CDH23: variants seen among roughly 807,000 people sequenced by gnomAD.
CDH23 encodes the protein cadherin-23.
In CDH23, 189 loss-of-function variants were observed where a neutral mutation model predicts 317.1. That is an observed-to-expected ratio of 0.60 (90% confidence interval 0.53 to 0.67). The LOEUF (loss-of-function observed/expected upper bound fraction) is 0.67, where lower values mean the gene tolerates loss of function less well. CDH23 is among the 30% of genes least tolerant of loss of function. The pLI is 0.00. For synonymous variants in CDH23, 1,839 were observed against 1,876.8 expected, an observed-to-expected ratio of 0.98 and a Z score of 0.52; for missense variants, 4,401 against 4,592.4, an observed-to-expected ratio of 0.96 and a Z score of 1.20.
At chr10:71,427,721 T>C (rs1849169787) in intron 1 of CDH23, among the ~76,000 whole-genome samples, 1 of 151,596 alleles carries the variant, frequency 6.6e-6, no homozygotes, top group African/African-American at 2.4e-5. Context: ...TACTTTTTTT[T>C]TTTTTTTTTT....
intron 1 of CDH23, among the ~76,000 whole-genome samples, chr10:71,433,368 G>A (rs1032982811): frequency 6.6e-5 from 10 of 152,166 alleles, no homozygotes; most frequent in African/African-American, 2.4e-4. Flanking sequence ...TGAGGTTCAG[G>A]AGGTGGAATT....
intron 11 of CDH23, among the ~76,000 whole-genome samples, chr10:71,621,783 C>T (rs1421311358): frequency 6.6e-6 from 1 of 152,234 alleles, no homozygotes; most frequent in African/African-American, 2.4e-5. Context: ...CACTGAGTCT[C>T]AGACTCTGCT....
chr10:71,803,494 C>T (rs933284545), intron 55 of CDH23, 74 bp downstream of exon 55: 3 of 1,357,792 alleles, frequency 2.2e-6, no homozygotes, highest in African/African-American at 2.9e-5. Flanking sequence ...AGTGGAAGCA[C>T]CCCACTCTAA....
intron 1 of CDH23, among the ~76,000 whole-genome samples, chr10:71,436,849 G>A (rs541886269): frequency 3.6e-4 from 55 of 152,314 alleles, no homozygotes; most frequent in African/African-American, 1.2e-3. Context: ...AGTTTTTTCT[G>A]TAGAAGATAC....
At chr10:71,759,787 G>A (rs1393978658) in intron 38 of CDH23, among the ~76,000 whole-genome samples, 1 of 149,984 alleles carries the variant, frequency 6.7e-6, no homozygotes, top group Non-Finnish European at 1.5e-5. Flanking sequence ...ACTCCAGCCT[G>A]GGTAACAGAG....
At position 71,536,992 on chromosome 10, in the gene CDH23, C is replaced by T. The variant is rs917126807; in HGVS notation, c.429+25780C>T. Among the ~76,000 whole-genome samples, 11 of 152,116 alleles carry T rather than the reference C, an allele frequency of 7.2e-5. 1 individual carries two copies. Among genetic ancestry groups the T allele is most frequent in the South Asian group, 4.2e-4 (2 of 4,814 alleles). ...GCAGAACCATTTGGATATTTGATTG[C>T]GAGGCTGCTCTGAAAGGCTCCATAT... On this transcript the variant is annotated intron_variant, in intron 6 of 69. Coordinates refer to ENST00000224721, the MANE Select transcript of CDH23 (RefSeq NM_022124.6).
chr10:71,729,128 C>A (rs75500163), intron 30 of CDH23, among the ~76,000 whole-genome samples: 2 of 152,182 alleles, frequency 1.3e-5, no homozygotes, highest in Non-Finnish European at 2.9e-5. Context: ...AGCCACCATG[C>A]CTGGCCTCCA....
intron 6 of CDH23, among the ~76,000 whole-genome samples, chr10:71,542,740 G>C (rs1370544084): frequency 1.3e-5 from 2 of 152,248 alleles, no homozygotes; most frequent in Admixed American, 1.3e-4. Flanking sequence ...GGGAGAGAAG[G>C]CTGGGAATGG....
intron 6 of CDH23, among the ~76,000 whole-genome samples, chr10:71,544,973 T>C (rs1475599112): frequency 6.6e-6 from 1 of 152,034 alleles, no homozygotes; most frequent in Non-Finnish European, 1.5e-5. Context: ...TGCCCTGGGG[T>C]AACCCTGGGG....
At chr10:71,725,611 G>A in intron 30 of CDH23, 91 bp downstream of exon 30, 3 of 1,418,118 alleles carry the variant, frequency 2.1e-6, no homozygotes, top group Non-Finnish European at 2.9e-6. Context: ...CGCCTGGTGT[G>A]GGCAGGGCCA....
intron 54 of CDH23, 30 bp downstream of exon 54, chr10:71,803,105 G>A: frequency 6.3e-7 from 1 of 1,581,116 alleles, no homozygotes; most frequent in Non-Finnish European, 8.7e-7. Context: ...CACCCATGAT[G>A]TCTTGGGGGG....
rs1417344462 is a variant in CDH23 at position 71,463,689 on chromosome 10, A to T, written c.145+17294A>T. On this transcript the variant is annotated intron_variant, in intron 3 of 69. Transcript: ENST00000224721. ...TGTTACCAAGCATCAGTGGGTGTGA[A>T]GTTCCCTGGGTGTCTGAGAGCCAGG... Among the ~76,000 whole-genome samples the T allele has an allele frequency of 2.0e-5, 3 of 152,220 alleles. 1 individual carries two copies. The highest frequency in any genetic ancestry group is 4.4e-5 in the Non-Finnish European group (3 of 68,044).
rs536438868 is a variant in CDH23 at position 71,709,170 on chromosome 10, G to A, written c.3179G>A (p.Arg1060Gln). The A allele has an allele frequency of 2.8e-5, 45 of 1,613,968 alleles. No individual in the cohort carries two copies. Among genetic ancestry groups the A allele is most frequent in the East Asian group, 2.0e-4 (9 of 44,886 alleles). The change falls in exon 27 of 70, where the codon CGG becomes CAG. Residue 1060 changes from arginine to glutamine, a missense_variant. This residue lies in a region of CDH23 where 3,068 missense variants were observed against 3,203.3 expected (regional missense o/e 0.96). Coordinates refer to ENST00000224721, the MANE Select transcript of CDH23 (RefSeq NM_022124.6). ...GTGAGAACCGTGGTGGGCCTGGACCGGGAGACCACAGCCGCCTACATGCTC... is the reference window on the plus strand; with the variant it reads ...GTGAGAACCGTGGTGGGCCTGGACCAGGAGACCACAGCCGCCTACATGCTC... ...AVVRTVVGLD[R>Q]ETTAAYMLIL...
At chr10:71,434,849 G>T (rs929373097) in intron 1 of CDH23, among the ~76,000 whole-genome samples, 1 of 152,164 alleles carries the variant, frequency 6.6e-6, no homozygotes, top group Non-Finnish European at 1.5e-5. Context: ...GGAGCAATGC[G>T]TGTGAGATGC....
rs556580453 is a variant in CDH23, at chr10:71,688,496, G to A, written c.2059+777G>A. Among the ~76,000 whole-genome samples the A allele has an allele frequency of 6.8e-3, 1,016 of 150,504 alleles. 4 individuals are homozygous for A. Among genetic ancestry groups the A allele is most frequent in the Admixed American group, 0.012 (181 of 15,188 alleles). The stretch of plus-strand genomic sequence containing the variant: ...TGGAGCCAGGGGTCGTGGAGCCAGG[G>A]ATGGTGGAGCCAGGGGTGGTGGAGT... On this transcript the variant is annotated intron_variant, in intron 19 of 69. Coordinates refer to ENST00000224721, the MANE Select transcript of CDH23 (RefSeq NM_022124.6).
intron 19 of CDH23, 67 bp downstream of exon 19, chr10:71,687,786 A>G: frequency 6.9e-7 from 1 of 1,442,474 alleles, no homozygotes; most frequent in Middle Eastern, 1.7e-4. Flanking sequence ...GGCACCCAGG[A>G]TGTGCAGACC....
chr10:71,695,422 A>G lies in CDH23; in HGVS notation c.2294A>G (p.Asn765Ser). Residue 765 changes from asparagine (N) to serine (S), a missense_variant, in exon 22 of 70, where the codon AAC (asparagine) becomes AGC (serine). Around this residue, in one of 3 missense-constraint regions of CDH23, gnomAD observed 3,068 missense variants for 3,203.3 expected, o/e 0.96. Coordinates refer to ENST00000224721, the MANE Select transcript of CDH23 (RefSeq NM_022124.6). ...HNQKTGIATV[N>S]ITLLDINDNH... is the part of the protein sequence containing the mutation. ...GCGCCCCTTATGGCTTCACAGGTAA[A>G]CATCACCCTCCTGGACATCAATGAC... The G allele has an allele frequency of 1.9e-6, 3 of 1,609,468 alleles. No individual in the cohort carries two copies. The highest frequency in any genetic ancestry group is 2.6e-6 in the Non-Finnish European group (3 of 1,175,710).
chr10:71,513,019 G>A (rs561883575), intron 6 of CDH23, among the ~76,000 whole-genome samples: 1 of 152,284 alleles, frequency 6.6e-6, no homozygotes, highest in Admixed American at 6.5e-5. Flanking sequence ...CTGTGCCATG[G>A]CCCTCCTTAT....
At chr10:71,530,862 C>T (rs1296216154) in intron 6 of CDH23, among the ~76,000 whole-genome samples, 1 of 152,230 alleles carries the variant, frequency 6.6e-6, no homozygotes, top group Non-Finnish European at 1.5e-5. Context: ...AAGGCTCATT[C>T]ACTCTTCCCA....
Sources: gnomAD v4.1 joint callset for allele counts (sites outside exome capture counted in the v4.1 genomes callset) on GRCh38, gnomAD v4.1.1 for gene constraint, gnomAD v4.1.1 regional missense constraint, MANE v1.5 for transcripts, NCBI Gene and HGNC (gene_info 2026-07-23, HGNC 2026-07-21) for gene names.